The following SSPN variants were observed in gnomAD, a reference collection of about 807,000 sequenced individuals.
SSPN encodes the protein sarcospan.
A neutral mutation model predicts 19.1 loss-of-function variants in SSPN; 15 were observed. That is an observed-to-expected ratio of 0.78 (90% CI 0.52 to 1.21). The LOEUF is 1.21. Among genes scored for constraint, SSPN ranks in the 50% most tolerant of loss-of-function variants. SSPN has a pLI of 0.00. For missense variants in SSPN, 291 were observed against 314.0 expected (o/e 0.93, Z 0.55); for synonymous variants, 147 against 140.3 (o/e 1.05, Z -0.34).
chr12:26,218,322 T>G (rs1357481201), intron 1 of SSPN, among the ~76,000 whole-genome samples: 1 of 13,458 alleles, frequency 7.4e-5, no homozygotes, highest in Admixed American at 6.2e-4. Context: ...TGTTGTGGGG[T>G]GGGGGGAGGG....
intron 1 of SSPN, among the ~76,000 whole-genome samples, chr12:26,164,205 G>A (rs1365087541): frequency 6.6e-6 from 1 of 152,194 alleles, no homozygotes; most frequent in Non-Finnish European, 1.5e-5. Flanking sequence ...CTCAAAGCAT[G>A]CTTCAGAGAC....
chr12:26,191,525 A>G (rs1055843214), upstream of SSPN, among the ~76,000 whole-genome samples: 1 of 152,364 alleles, frequency 6.6e-6, no homozygotes, highest in African/African-American at 2.4e-5. Context: ...TGCATTGTCC[A>G]TATGATATTT....
chr12:26,168,082 G>A (rs1354567802), intron 1 of SSPN, among the ~76,000 whole-genome samples: 2 of 151,654 alleles, frequency 1.3e-5, no homozygotes, highest in Admixed American at 6.6e-5. Flanking sequence ...ATGTGATGGC[G>A]CAGGCTTGCA....
intron 1 of SSPN, among the ~76,000 whole-genome samples, chr12:26,182,919 C>T (rs376149076): frequency 2.0e-5 from 3 of 151,884 alleles, no homozygotes; most frequent in Admixed American, 6.6e-5. Flanking sequence ...CACGCCACCA[C>T]GGCCGGCTAA....
chr12:26,156,575 C>T (rs906157908), intron 1 of SSPN, among the ~76,000 whole-genome samples: 1 of 152,172 alleles, frequency 6.6e-6, no homozygotes, highest in African/African-American at 2.4e-5. Flanking sequence ...GCGGATTCTT[C>T]CACTGGTCAT....
At chr12:26,133,053 T>C (rs980808362) in intron 1 of SSPN, among the ~76,000 whole-genome samples, 6 of 152,158 alleles carry the variant, frequency 3.9e-5, no homozygotes, top group African/African-American at 1.4e-4. Flanking sequence ...TATAACTCAT[T>C]ACAATGACCC....
upstream of SSPN, among the ~76,000 whole-genome samples, chr12:26,193,582 T>G (rs1944802026): frequency 6.6e-6 from 1 of 152,238 alleles, no homozygotes; most frequent in Non-Finnish European, 1.5e-5. Flanking sequence ...TTTGTTGTTT[T>G]GTCATTTGGG....
intron 1 of SSPN, among the ~76,000 whole-genome samples, chr12:26,149,648 C>T (rs1471298262): frequency 2.0e-5 from 3 of 152,340 alleles, no homozygotes; most frequent in African/African-American, 7.2e-5. Flanking sequence ...ATAATTTGTA[C>T]TCAGTACCTG....
chr12:26,157,038 G>C (rs1944559894), intron 1 of SSPN, among the ~76,000 whole-genome samples: 1 of 152,172 alleles, frequency 6.6e-6, no homozygotes, highest in South Asian at 2.1e-4. Context: ...GTTTAGAGCA[G>C]GGATCTTTAC....
chr12:26,154,851 C>T (rs189373837), intron 1 of SSPN, among the ~76,000 whole-genome samples: 2 of 152,140 alleles, frequency 1.3e-5, no homozygotes, highest in African/African-American at 4.8e-5. Flanking sequence ...CACATCAGAT[C>T]CTGGACCAGA....
intron 1 of SSPN, among the ~76,000 whole-genome samples, chr12:26,222,644 G>A (rs1417905289): frequency 6.6e-6 from 1 of 152,206 alleles, no homozygotes; most frequent in African/African-American, 2.4e-5. Context: ...TATTTTGAAA[G>A]TGTGGAACTT....
At chr12:26,228,123 C>T (rs989874501) in intron 2 of SSPN, among the ~76,000 whole-genome samples, 14 of 152,036 alleles carry the variant, frequency 9.2e-5, no homozygotes, top group African/African-American at 3.1e-4. Flanking sequence ...GAGCTTGGTG[C>T]GGTGGCTCAT....
At chr12:26,124,897 C>T in intron 1 of SSPN, 1 of 1,033,396 alleles carries the variant, frequency 9.7e-7, no homozygotes, top group South Asian at 1.3e-5. Flanking sequence ...CTCTCTCGCT[C>T]TCCCTCTTCA....
intron 1 of SSPN, among the ~76,000 whole-genome samples, chr12:26,163,565 G>T (rs1944602795): frequency 6.6e-6 from 1 of 152,182 alleles, no homozygotes; most frequent in Admixed American, 6.5e-5. Context: ...AAGGCAAAAA[G>T]GCAAGTGAGA....
intron 1 of SSPN, among the ~76,000 whole-genome samples, chr12:26,168,816 G>C (rs952619981): frequency 6.6e-6 from 1 of 152,184 alleles, no homozygotes; most frequent in African/African-American, 2.4e-5. Context: ...GGCATTATTA[G>C]ACATTCCCTG....
intron 1 of SSPN, among the ~76,000 whole-genome samples, chr12:26,158,730 CT>C (rs1944570377): frequency 6.6e-6 from 1 of 152,244 alleles, no homozygotes; most frequent in Non-Finnish European, 1.5e-5. Context: ...CCTGGAACCC[CT>C]TTTAGCTTTG....
intron 1 of SSPN, among the ~76,000 whole-genome samples, chr12:26,127,892 G>T (rs972156297): frequency 6.6e-6 from 1 of 152,198 alleles, no homozygotes; most frequent in African/African-American, 2.4e-5. Context: ...CGCAAGAAGG[G>T]TGTAACAATA....
At chr12:26,161,726 C>T (rs2137424926) in intron 1 of SSPN, among the ~76,000 whole-genome samples, 1 of 152,292 alleles carries the variant, frequency 6.6e-6, no homozygotes, top group East Asian at 1.9e-4. Context: ...TTTCCAAAGA[C>T]ATGGTGTGGG....
intron 1 of SSPN, among the ~76,000 whole-genome samples, chr12:26,168,455 C>T (rs1227658770): frequency 1.3e-5 from 2 of 152,126 alleles, no homozygotes; most frequent in Admixed American, 6.5e-5. Context: ...ATGGGGCAAG[C>T]GTGCAAGCAT....
Sources: gnomAD v4.1 joint callset for allele counts (sites outside exome capture counted in the v4.1 genomes callset) on GRCh38, gnomAD v4.1.1 for gene constraint, MANE v1.5 for transcripts, NCBI Gene and HGNC (gene_info 2026-07-23, HGNC 2026-07-21) for gene names.